ANO2: variants seen among roughly 807,000 people sequenced by gnomAD.
The protein encoded by ANO2 is anoctamin-2.
In ANO2, 101 loss-of-function variants were observed where a neutral mutation model predicts 124.2. The ratio of observed to expected loss-of-function variants is 0.81; its 90% CI spans 0.69 to 0.96. The LOEUF is 0.96. Among genes scored for constraint, ANO2 ranks in the 40% least tolerant of loss-of-function variants. ANO2 has a pLI of 0.00. For synonymous variants in ANO2, 486 were observed against 482.5 expected, an observed-to-expected ratio of 1.01 and a Z score of -0.09; for missense variants, 1,293 against 1,274.5, an observed-to-expected ratio of 1.01 and a Z score of -0.22.
intron 7 of ANO2, among the ~76,000 whole-genome samples, chr12:5,819,496 GTTTA>G (rs1953716284): frequency 6.6e-6 from 1 of 152,178 alleles, no homozygotes; most frequent in Non-Finnish European, 1.5e-5. Context: ...GGTTCTAATA[GTTTA>G]TTTGCTTGGT....
At chr12:5,734,663 T>C (rs536060375) in intron 13 of ANO2, among the ~76,000 whole-genome samples, 1 of 152,034 alleles carries the variant, frequency 6.6e-6, no homozygotes, top group Admixed American at 6.5e-5. Context: ...TTTTTTTTTT[T>C]TTGAGACAGA....
At chr12:5,896,510 C>T (rs1447847536) in intron 3 of ANO2, among the ~76,000 whole-genome samples, 3 of 152,020 alleles carry the variant, frequency 2.0e-5, no homozygotes, top group Non-Finnish European at 2.9e-5. Flanking sequence ...TTCAATTTTC[C>T]CCTCCTTTTA....
At position 5,563,193 on chromosome 12, in the gene ANO2, G is replaced by A. The variant is rs1396831198; in HGVS notation, c.*106C>T. 1.4e-6 allele frequency: 2 copies of A among 1,435,792 alleles called. No individual in the cohort carries two copies. Among genetic ancestry groups the A allele is most frequent in the Non-Finnish European group, 1.9e-6 (2 of 1,078,664 alleles). The allele number at this position is 1,435,792 out of a possible 1,614,324, so 88.9% of individuals were successfully genotyped here. A position where few individuals can be genotyped will look rare whatever the true frequency, so the allele number is the denominator to read the frequency against. Reference sequence around the variant, plus strand: ...TGCCCCCTCTTCAAGACCCCATCAAGCCAGGCCCCTGCAGACAGACAGCAC... The same window carrying A: ...TGCCCCCTCTTCAAGACCCCATCAAACCAGGCCCCTGCAGACAGACAGCAC... On this transcript the variant is annotated 3_prime_UTR_variant, in exon 25 of 25. Coordinates refer to ENST00000682330, the MANE Select transcript of ANO2 (RefSeq NM_001364791.2).
At chr12:5,812,704 A>AG (rs1953459732) in intron 7 of ANO2, among the ~76,000 whole-genome samples, 1 of 18,104 alleles carries the variant, frequency 5.5e-5, no homozygotes, top group African/African-American at 1.6e-4. Flanking sequence ...AAGAGAAAGA[A>AG]AAGAAGAAGA....
intron 7 of ANO2, among the ~76,000 whole-genome samples, chr12:5,824,566 G>C (rs1953900202): frequency 2.0e-5 from 3 of 152,134 alleles, no homozygotes; most frequent in African/African-American, 7.2e-5. Flanking sequence ...AGCATTTTGA[G>C]CAAAGCCATT....
intron 1 of ANO2, among the ~76,000 whole-genome samples, chr12:5,939,829 G>T (rs988411569): frequency 6.6e-6 from 1 of 152,296 alleles, no homozygotes; most frequent in South Asian, 2.1e-4. Flanking sequence ...AGGAAATAAG[G>T]TCGAGCTGTG....
At chr12:5,796,080 G>C (rs751574839) in intron 10 of ANO2, among the ~76,000 whole-genome samples, 1 of 151,976 alleles carries the variant, frequency 6.6e-6, no homozygotes, top group Non-Finnish European at 1.5e-5. Context: ...CTCACTCATC[G>C]AGGTTCCTGC....
chr12:5,652,541 T>C (rs1352322379), intron 14 of ANO2, among the ~76,000 whole-genome samples: 1 of 152,112 alleles, frequency 6.6e-6, no homozygotes, highest in Non-Finnish European at 1.5e-5. Context: ...AAACACCTTA[T>C]ATTTAGTTGT....
intron 22 of ANO2, among the ~76,000 whole-genome samples, chr12:5,576,571 G>A (rs551679433): frequency 3.3e-5 from 5 of 152,232 alleles, no homozygotes; most frequent in Admixed American, 1.3e-4. Flanking sequence ...TTAAGAAAAC[G>A]GAGACACAGT....
At chr12:5,623,078 G>T (rs1945207294) in intron 16 of ANO2, among the ~76,000 whole-genome samples, 1 of 152,092 alleles carries the variant, frequency 6.6e-6, no homozygotes, top group East Asian at 1.9e-4. Context: ...GTTCAGGAAG[G>T]GCTGTCTGCA....
chr12:5,685,591 C>T (rs1373946860), intron 14 of ANO2, among the ~76,000 whole-genome samples: 6 of 152,156 alleles, frequency 3.9e-5, no homozygotes, highest in Non-Finnish European at 7.3e-5. Flanking sequence ...TAAGACCAGC[C>T]CGGGCAACAT....
chr12:5,650,730 G>A (rs1431055408), intron 14 of ANO2, among the ~76,000 whole-genome samples: 2 of 152,308 alleles, frequency 1.3e-5, no homozygotes, highest in South Asian at 4.1e-4. Flanking sequence ...AGAGAAGTAG[G>A]CTTGGAACCA....
intron 14 of ANO2, among the ~76,000 whole-genome samples, chr12:5,706,982 C>G (rs1295098268): frequency 1.3e-5 from 2 of 152,182 alleles, no homozygotes; most frequent in Non-Finnish European, 2.9e-5. Context: ...GACCTTGGGA[C>G]AATGACATCA....
chr12:5,835,192 A>G (rs1954279073), intron 4 of ANO2, among the ~76,000 whole-genome samples: 1 of 152,226 alleles, frequency 6.6e-6, no homozygotes, highest in Non-Finnish European at 1.5e-5. Flanking sequence ...TGGAAAGTTC[A>G]AGCTATGTTT....
chr12:5,878,731 G>GC (rs1438497279), intron 3 of ANO2, among the ~76,000 whole-genome samples: 3 of 152,176 alleles, frequency 2.0e-5, no homozygotes, highest in Non-Finnish European at 4.4e-5. Context: ...GATTTACACA[G>GC]CATTTTATGT....
chr12:5,795,701 T>C (rs1332778078), intron 10 of ANO2, among the ~76,000 whole-genome samples: 1 of 152,194 alleles, frequency 6.6e-6, no homozygotes, highest in Non-Finnish European at 1.5e-5. Flanking sequence ...GTCTCATTCA[T>C]ATCAAAACGT....
At chr12:5,926,402 A>G (rs1387111033) in intron 1 of ANO2, among the ~76,000 whole-genome samples, 1 of 152,032 alleles carries the variant, frequency 6.6e-6, no homozygotes, top group Non-Finnish European at 1.5e-5. Flanking sequence ...CACCCTCAAG[A>G]GCACAAACTT....
rs1954542839 is a variant in ANO2 at position 5,842,462 on chromosome 12, T to C, written c.634-9859A>G. 2.0e-5 allele frequency among the ~76,000 whole-genome samples: 3 copies of C among 152,130 alleles called. No individual in the cohort carries two copies. The South Asian group carries it at 6.2e-4, about 32-fold the overall frequency. The stretch of plus-strand genomic sequence containing the variant: ...TGCTACATGTGCCACCATGATGCCC[T>C]GCCCTTTTCTCGCAGGCAGCCCTCA... On this transcript the variant is annotated intron_variant, in intron 4 of 24. Transcript: ENST00000682330.
intron 10 of ANO2, among the ~76,000 whole-genome samples, chr12:5,752,808 T>A (rs1159146031): frequency 6.6e-6 from 1 of 152,208 alleles, no homozygotes; most frequent in Admixed American, 6.5e-5. Flanking sequence ...TAGAAGCTTT[T>A]TTCCCCTGTT....
Sources: allele counts gnomAD v4.1 joint callset (sites outside exome capture counted in the v4.1 genomes callset), GRCh38; gene constraint gnomAD v4.1.1; transcripts MANE v1.5; gene names NCBI Gene and HGNC (gene_info 2026-07-23, HGNC 2026-07-21).